The following TMEM238L variants were observed in gnomAD, a reference collection of about 807,000 sequenced individuals.
TMEM238L encodes the protein transmembrane protein 238-like.
chr17:10,800,532 G>A (rs1015909842), intron 1 of TMEM238L, among the ~76,000 whole-genome samples: 2 of 152,216 alleles, frequency 1.3e-5, no homozygotes, highest in African/African-American at 4.8e-5. Flanking sequence ...ATTGCCATTA[G>A]AACTGATCGT....
At chr17:10,803,614 G>A (rs1159260050) in exon 1 of TMEM238L, 3 of 397,294 alleles carry the variant, frequency 7.6e-6, no homozygotes, top group Non-Finnish European at 1.3e-5. Flanking sequence ...ACCTGGTCCC[G>A]GCGTGGCTTG....
At chr17:10,801,392 T>G (rs1183963274) in intron 1 of TMEM238L, among the ~76,000 whole-genome samples, 1 of 152,156 alleles carries the variant, frequency 6.6e-6, no homozygotes, top group Non-Finnish European at 1.5e-5. Context: ...CAGAGGGCCC[T>G]CGAGGCCCTG....
At chr17:10,800,833 C>T (rs1281461029) in intron 1 of TMEM238L, among the ~76,000 whole-genome samples, 3 of 152,132 alleles carry the variant, frequency 2.0e-5, no homozygotes, top group African/African-American at 4.8e-5. Context: ...GGCTATTGAA[C>T]TTCTGTTCAA....
chr17:10,801,028 T>C (rs1347957883), intron 1 of TMEM238L, among the ~76,000 whole-genome samples: 1 of 151,796 alleles, frequency 6.6e-6, no homozygotes, highest in African/African-American at 2.4e-5. Context: ...TCTGCTTATA[T>C]CTCTTCAATG....
rs554585652 is a variant in TMEM238L at position 10,799,097 on chromosome 17, A to C, written c.*119-3149T>G. Among the ~76,000 whole-genome samples, 524 of 152,332 alleles carry C rather than the reference A, an allele frequency of 3.4e-3. 6 individuals are homozygous for C. The highest frequency in any genetic ancestry group is 0.012 in the African/African-American group (515 of 41,582). On this transcript the variant is annotated intron_variant, in intron 1 of 1. Coordinates refer to ENST00000581851, the Ensembl canonical transcript of TMEM238L. Reference sequence around the variant, plus strand: ...GGAGAACCACGCAGGCTGTGGGCAGAAGGCTTGTGGGGCAGCCAGGCCCCT... The same window carrying C: ...GGAGAACCACGCAGGCTGTGGGCAGCAGGCTTGTGGGGCAGCCAGGCCCCT...
intron 1 of TMEM238L, among the ~76,000 whole-genome samples, chr17:10,796,535 C>A (rs1904551899): frequency 6.6e-6 from 1 of 152,226 alleles, no homozygotes; most frequent in African/African-American, 2.4e-5. Context: ...TGCACTCACT[C>A]CTCACCCATC....
exon 2 of TMEM238L, chr17:10,795,460 G>A (rs1038038776): frequency 6.6e-6 from 1 of 152,390 alleles, no homozygotes; most frequent in Admixed American, 6.5e-5. Context: ...CAACTGGTCA[G>A]TGTCAAAGGG....
chr17:10,796,047 C>T (rs1904530687), intron 1 of TMEM238L, 99 bp from the exon 2 acceptor site: 1 of 152,120 alleles, frequency 6.6e-6, no homozygotes, highest in Admixed American at 6.5e-5. Context: ...TTTGGAGTTG[C>T]CAGACGTAGG....
intron 1 of TMEM238L, among the ~76,000 whole-genome samples, chr17:10,800,562 C>T (rs905480612): frequency 6.6e-6 from 1 of 152,194 alleles, no homozygotes; most frequent in African/African-American, 2.4e-5. Context: ...GGGCCTCACC[C>T]TCTGTAATGT....
Position 10,801,783 on chromosome 17 carries a change from C to CT in TMEM238L, c.*118+1822dup, listed in dbSNP as rs57292520. Among the ~76,000 whole-genome samples the CT allele has an allele frequency of 6.6e-3, 951 of 144,080 alleles. 16 individuals are homozygous for CT. The highest frequency in any genetic ancestry group is 0.02 in the African/African-American group (808 of 39,554). 94.5% of individuals were successfully genotyped at this position (144,080 alleles called of 152,430 possible). ...AGAGTAGAGCCCCCACGTCATGTGT[C>CT]TTTTTTTTTTTTTAATTGAGACAGG... is the stretch of plus-strand genomic sequence containing the variant. On this transcript the variant is annotated intron_variant, in intron 1 of 1. Transcript: ENST00000581851.
At chr17:10,797,146 C>T (rs569274893) in intron 1 of TMEM238L, among the ~76,000 whole-genome samples, 12 of 152,240 alleles carry the variant, frequency 7.9e-5, no homozygotes, top group Admixed American at 2.6e-4. Context: ...CAATCTGGCT[C>T]GATCACTGCC....
chr17:10,797,138 A>G (rs923800124), intron 1 of TMEM238L, among the ~76,000 whole-genome samples: 11 of 152,150 alleles, frequency 7.2e-5, no homozygotes, highest in African/African-American at 2.4e-4. Context: ...TGGTTTTACA[A>G]TCTGGCTCGA....
intron 1 of TMEM238L, among the ~76,000 whole-genome samples, chr17:10,797,210 A>G (rs930929210): frequency 3.4e-5 from 5 of 146,610 alleles, no homozygotes; most frequent in Admixed American, 7.1e-5. Context: ...TATTATCGTT[A>G]TCTGTAATAG....
intron 1 of TMEM238L, among the ~76,000 whole-genome samples, chr17:10,800,848 G>A (rs1190808537): frequency 6.6e-6 from 1 of 152,122 alleles, no homozygotes; most frequent in African/African-American, 2.4e-5. Context: ...GTTCAATGAG[G>A]GAAGGCTGTT....
At chr17:10,802,643 C>T (rs886426015) in intron 1 of TMEM238L, 8 of 152,686 alleles carry the variant, frequency 5.2e-5, no homozygotes, top group Non-Finnish European at 1.2e-4. Context: ...GACCTTTGCT[C>T]TTACTTCTGG....
intron 1 of TMEM238L, among the ~76,000 whole-genome samples, chr17:10,803,276 A>C (rs1904801245): frequency 6.6e-6 from 1 of 152,170 alleles, no homozygotes; most frequent in Non-Finnish European, 1.5e-5. Flanking sequence ...GAGAATGCAG[A>C]TGGGGTCTTT....
chr17:10,798,517 A>G (rs1904628981), intron 1 of TMEM238L, among the ~76,000 whole-genome samples: 1 of 152,124 alleles, frequency 6.6e-6, no homozygotes, highest in African/African-American at 2.4e-5. Flanking sequence ...TGCCTGTTGG[A>G]AAAAGTCGAA....
chr17:10,800,821 C>T (rs765035040), intron 1 of TMEM238L, among the ~76,000 whole-genome samples: 1 of 152,148 alleles, frequency 6.6e-6, no homozygotes, highest in Non-Finnish European at 1.5e-5. Flanking sequence ...TCTTCAACGC[C>T]GGGCTATTGA....
chr17:10,795,255 C>T (rs1346722292), exon 2 of TMEM238L: 2 of 152,200 alleles, frequency 1.3e-5, no homozygotes, highest in Non-Finnish European at 2.9e-5. Flanking sequence ...GCTGGCTTGT[C>T]AGAAAAATGC....
Sources: gnomAD v4.1 joint callset for allele counts (sites outside exome capture counted in the v4.1 genomes callset) on GRCh38, gnomAD v4.1.1 for gene constraint, MANE v1.5 for transcripts, NCBI Gene and HGNC (gene_info 2026-07-23, HGNC 2026-07-21) for gene names.